The following STARD9 variants were observed in gnomAD, a reference collection of about 807,000 sequenced individuals.
The protein encoded by STARD9 is stAR-related lipid transfer protein 9.
STARD9 carries 346 observed loss-of-function variants against 399.8 expected under a neutral mutation model. The ratio of observed to expected loss-of-function variants is 0.87; its 90% confidence interval spans 0.79 to 0.95. The LOEUF (loss-of-function observed/expected upper bound fraction) is 0.95, where lower values mean the gene tolerates loss of function less well. Ranked by LOEUF, STARD9 falls within the 40% of genes least tolerant of loss-of-function variation. The pLI, the probability that STARD9 is intolerant of heterozygous loss-of-function variation, is 0.00. For missense variants in STARD9, 5,832 were observed against 5,667.5 expected, an observed-to-expected ratio of 1.03 and a Z score of -0.93; for synonymous variants, 2,203 against 2,143.5, an observed-to-expected ratio of 1.03 and a Z score of -0.77.
rs2060567837 is a variant in STARD9 at position 42,686,733 on chromosome 15, C to T, written c.5155C>T (p.Leu1719Phe). 5 of 1,537,460 alleles carry T rather than the reference C, an allele frequency of 3.3e-6. No individual in the cohort carries two copies. The highest frequency in any genetic ancestry group is 1.4e-5 in the African/African-American group (1 of 73,036). The part of the protein sequence containing the change: ...VRRHINVSFA[L>F]PSGPELYLHS... ...AAGACACATAAATGTTTCCTTTGCC[C>T]TTCCTTCAGGTCCAGAGCTATACCT... is the stretch of plus-strand genomic sequence containing the variant. Residue 1719 changes from leucine (L) to phenylalanine (F), a missense_variant, in exon 23 of 33, where the codon CTT becomes TTT. Physicochemically the swap from Leu to Phe is conservative, Grantham distance 22 (BLOSUM62 0). This residue lies in a region of STARD9 where 5,828 missense variants were observed against 5,651.1 expected (regional missense o/e 1.03). Coordinates refer to ENST00000290607, the MANE Select transcript of STARD9 (RefSeq NM_020759.3).
intron 3 of STARD9, among the ~76,000 whole-genome samples, chr15:42,608,400 T>C (rs2058780479): frequency 6.6e-6 from 1 of 152,194 alleles, no homozygotes. Context: ...GGGCTTCACC[T>C]GGGCTGGCTG....
rs150725688 is a variant in STARD9 at position 42,582,168 on chromosome 15, A to T, written c.48-1178A>T. 3.3e-3 allele frequency among the ~76,000 whole-genome samples: 503 copies of T among 152,208 alleles called. 3 individuals carry two copies. The highest frequency in any genetic ancestry group is 0.012 in the African/African-American group (489 of 41,520). ...TAAATCAATAAACAAAATTAAATCT[A>T]AAGACCCCTGTCTCACTGTGTTTCT... is the stretch of plus-strand genomic sequence containing the variant. On this transcript the variant is annotated intron_variant, in intron 1 of 32. Coordinates refer to ENST00000290607, the MANE Select transcript of STARD9 (RefSeq NM_020759.3).
intron 3 of STARD9, among the ~76,000 whole-genome samples, chr15:42,609,234 G>T (rs1444393215): frequency 6.6e-6 from 1 of 152,118 alleles, no homozygotes; most frequent in Non-Finnish European, 1.5e-5. Context: ...ATGTCATTCT[G>T]CCCAAATAAG....
In STARD9 at chr15:42,681,454, A is replaced by C; in HGVS notation, c.1907A>C (p.His636Pro). The change falls in exon 21 of 33, where the codon CAT (histidine) becomes CCT (proline). Residue 636 changes from histidine (H) to proline (P), a missense_variant. This residue lies in a region of STARD9 where 5,828 missense variants were observed against 5,651.1 expected (regional missense o/e 1.03). Transcript: ENST00000290607. ...RALEEQCDED[H>P]QTPRDGETSH... ...CTTGAAGAGCAATGTGACGAGGACC[A>C]TCAGACACCGAGGGATGGAGAGACA... 6.5e-7 allele frequency: 1 copy of C among 1,537,132 alleles called. No homozygotes were observed. Among genetic ancestry groups the C allele is most frequent in the Non-Finnish European group, 8.7e-7 (1 of 1,146,868 alleles).
chr15:42,626,399 C>CTCTTCCTCCTCTTCCTCCTCT (rs1484601625), intron 3 of STARD9, among the ~76,000 whole-genome samples: 1 of 144,610 alleles, frequency 6.9e-6, no homozygotes, highest in African/African-American at 2.7e-5. Context: ...CCTCTTCCTC[C>CTCTTCCTCCTCTTCCTCCTCT]TCCTCTTCTT....
chr15:42,683,458 T>TA lies in STARD9; in HGVS notation c.2538-649dup, dbSNP rs940263917. 6.6e-5 allele frequency among the ~76,000 whole-genome samples: 10 copies of TA among 151,406 alleles called. No individual in the cohort carries two copies. In the South Asian group the frequency reaches 1.0e-3, roughly 16 times the overall value. The stretch of plus-strand genomic sequence containing the variant: ...TTCTACATTTCTAAGTATATACTTC[T>TA]AAAAAAAAATGGACTTTTCTTGTAA... On this transcript the variant is annotated intron_variant, in intron 22 of 32. Coordinates refer to ENST00000290607, the MANE Select transcript of STARD9 (RefSeq NM_020759.3).
In STARD9 at chr15:42,693,248, T is replaced by G; in HGVS notation, c.11670T>G (p.Ser3890Arg). Residue 3890 changes from serine to arginine, a missense_variant, in exon 23 of 33, where the codon AGT (serine) becomes AGG (arginine). Physicochemically the swap from Ser to Arg is moderately radical, Grantham distance 110 (BLOSUM62 -1). Around this residue, in one of 2 missense-constraint regions of STARD9, gnomAD observed 5,828 missense variants for 5,651.1 expected, o/e 1.03. Coordinates refer to ENST00000290607, the MANE Select transcript of STARD9 (RefSeq NM_020759.3). ...SRVQKKLGPT[S>R]ALFVDRASSP... Reference sequence around the variant, plus strand: ...TCCAGAAGAAGCTGGGCCCCACAAGTGCTTTGTTCGTGGACAGGGCCTCCT... The same window carrying G: ...TCCAGAAGAAGCTGGGCCCCACAAGGGCTTTGTTCGTGGACAGGGCCTCCT... 1 of 1,537,028 alleles carries G rather than the reference T, an allele frequency of 6.5e-7. No individual in the cohort carries two copies.
chr15:42,652,384 C>G lies in STARD9; in HGVS notation c.630-136C>G, dbSNP rs1595710301. The stretch of plus-strand genomic sequence containing the variant: ...TCTTTGGACTATTCTCTTCACGATA[C>G]TGGACTAAATATGTGTGTTTTATGA... On this transcript the variant is annotated intron_variant, in intron 8 of 32. Coordinates refer to ENST00000290607, the MANE Select transcript of STARD9 (RefSeq NM_020759.3). 4 of 728,938 alleles carry G rather than the reference C, an allele frequency of 5.5e-6. No homozygotes were observed. The East Asian group carries it at 8.1e-5, about 15-fold the overall frequency. 45.2% of individuals were successfully genotyped at this position (728,938 alleles called of 1,614,324 possible).
intron 15 of STARD9, among the ~76,000 whole-genome samples, chr15:42,666,225 A>G (rs958238054): frequency 3.3e-5 from 5 of 152,212 alleles, no homozygotes; most frequent in Admixed American, 6.5e-5. Flanking sequence ...TTTGCAGTCT[A>G]GTTGGAAACA....
At position 42,595,267 on chromosome 15, in the gene STARD9, A is replaced by C. The variant is rs548162188; in HGVS notation, c.234+9630A>C. Among the ~76,000 whole-genome samples, 6 of 152,254 alleles carry C rather than the reference A, an allele frequency of 3.9e-5. No individual in the cohort carries two copies. In the East Asian group the frequency reaches 1.2e-3, roughly 29 times the overall value. ...TAGGATTGTGTCACTTTTTTACAGC[A>C]GGTATCTCCATTTTAGGGATAGGAA... On this transcript the variant is annotated intron_variant, in intron 3 of 32. Transcript: ENST00000290607.
intron 2 of STARD9, among the ~76,000 whole-genome samples, chr15:42,583,853 C>CT (rs1229307922): frequency 4.6e-5 from 7 of 152,078 alleles, no homozygotes; most frequent in Non-Finnish European, 7.4e-5. Context: ...TGCAGGGTTT[C>CT]TTTTAGCTAT....
intron 3 of STARD9, among the ~76,000 whole-genome samples, chr15:42,623,006 C>G (rs1555392736): frequency 6.6e-6 from 1 of 152,174 alleles, no homozygotes; most frequent in Non-Finnish European, 1.5e-5. Flanking sequence ...AATCCCAGCA[C>G]TTTGGGAGGC....
chr15:42,702,348 C>T (rs1423762816), intron 26 of STARD9, among the ~76,000 whole-genome samples: 7 of 152,080 alleles, frequency 4.6e-5, no homozygotes, highest in African/African-American at 7.2e-5. Context: ...GGATTACAGG[C>T]GCGCACCACC....
chr15:42,707,423 C>A (rs555673575), intron 26 of STARD9, among the ~76,000 whole-genome samples: 2 of 151,294 alleles, frequency 1.3e-5, no homozygotes, highest in East Asian at 3.9e-4. Context: ...ATGCAAGACT[C>A]GAAATCAGCA....
rs1437872745 is a variant in STARD9 at position 42,686,045 on chromosome 15, G to C, written c.4467G>C (p.Gln1489His). 5 of 1,537,298 alleles carry C rather than the reference G, an allele frequency of 3.3e-6. No individual in the cohort carries two copies. The highest frequency in any genetic ancestry group is 3.5e-6 in the Non-Finnish European group (4 of 1,146,888). ...AAAGGGATTGGTCTGCCCTTCAGCA[G>C]AAGTACCTCCTTGAACTCTCTTGTC... The part of the protein sequence containing the change: ...THERDWSALQ[Q>H]KYLLELSCPV... Residue 1489 changes from glutamine to histidine, a missense_variant, in exon 23 of 33, where the codon CAG (glutamine) becomes CAC (histidine). Physicochemically the swap from Gln to His is conservative, Grantham distance 24 (BLOSUM62 0). This residue lies in a region of STARD9 where 5,828 missense variants were observed against 5,651.1 expected (regional missense o/e 1.03). Coordinates refer to ENST00000290607, the MANE Select transcript of STARD9 (RefSeq NM_020759.3).
chr15:42,653,685 A>C (rs2141999256), intron 9 of STARD9, among the ~76,000 whole-genome samples: 1 of 152,350 alleles, frequency 6.6e-6, no homozygotes, highest in Admixed American at 6.5e-5. Context: ...ATTTATTGCC[A>C]GCAGACTTAC....
intron 9 of STARD9, among the ~76,000 whole-genome samples, chr15:42,656,327 T>TTAAA (rs2059870495): frequency 2.8e-5 from 1 of 35,342 alleles, no homozygotes. Flanking sequence ...AGCCATCTCC[T>TTAAA]AAAAAAAAAA....
chr15:42,617,490 G>A (rs2141837761), intron 3 of STARD9, among the ~76,000 whole-genome samples: 1 of 152,006 alleles, frequency 6.6e-6, no homozygotes, highest in South Asian at 2.1e-4. Flanking sequence ...AGTCTCCCGA[G>A]TAGCTGGGAC....
chr15:42,581,275 G>T, intron 1 of STARD9: 2 of 962,034 alleles, frequency 2.1e-6, no homozygotes, highest in Non-Finnish European at 3.4e-6. Context: ...CAGATGGCAG[G>T]TGGGGTCTGA....
Sources: gnomAD v4.1 joint callset for allele counts (sites outside exome capture counted in the v4.1 genomes callset) on GRCh38, gnomAD v4.1.1 for gene constraint, gnomAD v4.1.1 regional missense constraint, MANE v1.5 for transcripts, NCBI Gene and HGNC (gene_info 2026-07-23, HGNC 2026-07-21) for gene names.